The following GRIP1 variants were observed in gnomAD, a reference collection of about 807,000 sequenced individuals.
GRIP1 encodes glutamate receptor-interacting protein 1.
In GRIP1, 45 loss-of-function variants were observed where a neutral mutation model predicts 129.9. The ratio of observed to expected loss-of-function variants is 0.35; its 90% CI spans 0.27 to 0.44. GRIP1 has a LOEUF of 0.44. Ranked by LOEUF, GRIP1 falls within the 20% of genes least tolerant of loss-of-function variation. GRIP1 has a pLI of 1.00. For synonymous variants in GRIP1, 530 were observed against 520.8 expected, an observed-to-expected ratio of 1.02 and a Z score of -0.24; for missense variants, 1,196 against 1,396.8, an observed-to-expected ratio of 0.86 and a Z score of 2.29.
intron 1 of GRIP1, among the ~76,000 whole-genome samples, chr12:66,897,558 C>G (rs1209337421): frequency 6.6e-6 from 1 of 152,188 alleles, no homozygotes. Flanking sequence ...CAAAGACCAA[C>G]CTACAAATGC....
chr12:66,537,456 C>T (rs1456843978), intron 4 of GRIP1, among the ~76,000 whole-genome samples: 2 of 151,666 alleles, frequency 1.3e-5, no homozygotes, highest in African/African-American at 4.8e-5. Flanking sequence ...GTTATAATTA[C>T]TATTATTACT....
At chr12:66,740,743 C>A (rs1205775508) in intron 1 of GRIP1, among the ~76,000 whole-genome samples, 1 of 151,866 alleles carries the variant, frequency 6.6e-6, no homozygotes, top group East Asian at 1.9e-4. Context: ...GCAATCCTCA[C>A]AACAACTCAT....
At chr12:66,839,944 T>A (rs560833921) in intron 1 of GRIP1, among the ~76,000 whole-genome samples, 1 of 152,346 alleles carries the variant, frequency 6.6e-6, no homozygotes, top group Non-Finnish European at 1.5e-5. Context: ...TAATAGATAC[T>A]ATAGGTAGCC....
At chr12:66,869,653 T>C (rs1303489066) in intron 1 of GRIP1, among the ~76,000 whole-genome samples, 1 of 152,072 alleles carries the variant, frequency 6.6e-6, no homozygotes, top group East Asian at 1.9e-4. Flanking sequence ...GACAGATACG[T>C]ATCATTGAAG....
chr12:66,741,079 T>C (rs1329203202), intron 1 of GRIP1, among the ~76,000 whole-genome samples: 1 of 152,192 alleles, frequency 6.6e-6, no homozygotes, highest in Non-Finnish European at 1.5e-5. Context: ...CAGCTCCCCT[T>C]TCTCTAACAA....
At chr12:66,510,276 GCCT>G (rs1231459884) in intron 7 of GRIP1, among the ~76,000 whole-genome samples, 1 of 152,002 alleles carries the variant, frequency 6.6e-6, no homozygotes, top group Non-Finnish European at 1.5e-5. Flanking sequence ...CAGTGCATTG[GCCT>G]CCTCAATTTA....
chr12:66,746,792 T>C (rs538610265), intron 1 of GRIP1, among the ~76,000 whole-genome samples: 8 of 152,222 alleles, frequency 5.3e-5, no homozygotes, highest in East Asian at 1.9e-4. Context: ...CCAGCAAGCA[T>C]TGACATTTTA....
At chr12:66,903,119 C>G (rs1280276140) in intron 1 of GRIP1, among the ~76,000 whole-genome samples, 1 of 139,308 alleles carries the variant, frequency 7.2e-6, no homozygotes, top group Non-Finnish European at 1.6e-5. Context: ...CTTGTTAATT[C>G]ACTTTAATGA....
At chr12:66,966,415 C>T (rs1214426452) in intron 1 of GRIP1, among the ~76,000 whole-genome samples, 1 of 152,108 alleles carries the variant, frequency 6.6e-6, no homozygotes, top group Non-Finnish European at 1.5e-5. Flanking sequence ...CAGAGAGTTT[C>T]CCCTATTACT....
At chr12:66,678,230 T>C (rs908485635) in intron 1 of GRIP1, among the ~76,000 whole-genome samples, 1 of 152,182 alleles carries the variant, frequency 6.6e-6, no homozygotes, top group Non-Finnish European at 1.5e-5. Flanking sequence ...AGTGACAATC[T>C]GAAGCTGGTA....
At chr12:66,974,769 G>A (rs1156776812) in intron 1 of GRIP1, among the ~76,000 whole-genome samples, 1 of 152,158 alleles carries the variant, frequency 6.6e-6, no homozygotes, top group Admixed American at 6.6e-5. Context: ...CCAGGTCATA[G>A]ACAGAGGCAC....
chr12:66,479,041 T>C (rs2059716559), intron 7 of GRIP1, among the ~76,000 whole-genome samples: 1 of 148,280 alleles, frequency 6.7e-6, no homozygotes, highest in Non-Finnish European at 1.5e-5. Context: ...AAAATATATA[T>C]TAAAAAAAGA....
chr12:66,936,997 G>A (rs1239349574), intron 1 of GRIP1, among the ~76,000 whole-genome samples: 1 of 152,054 alleles, frequency 6.6e-6, no homozygotes, highest in African/African-American at 2.4e-5. Context: ...TTTTATTACT[G>A]CTTCCATTAA....
At chr12:66,524,776 C>T (rs1435527716) in intron 5 of GRIP1, among the ~76,000 whole-genome samples, 1 of 152,004 alleles carries the variant, frequency 6.6e-6, no homozygotes, top group Admixed American at 6.6e-5. Flanking sequence ...AATTGATAGA[C>T]CACTAGCAAG....
chr12:66,544,507 C>A (rs2061885882), intron 2 of GRIP1, among the ~76,000 whole-genome samples: 1 of 152,128 alleles, frequency 6.6e-6, no homozygotes, highest in African/African-American at 2.4e-5. Flanking sequence ...GCCTGAGATT[C>A]CAAATGCACC....
At chr12:66,926,408 C>T (rs999564387) in intron 1 of GRIP1, among the ~76,000 whole-genome samples, 9 of 152,162 alleles carry the variant, frequency 5.9e-5, no homozygotes, top group African/African-American at 2.2e-4. Flanking sequence ...TAAAATAAGC[C>T]TGCTGTTCTC....
At chr12:66,793,111 C>T (rs930298946) in intron 1 of GRIP1, among the ~76,000 whole-genome samples, 3 of 152,164 alleles carry the variant, frequency 2.0e-5, no homozygotes, top group African/African-American at 7.2e-5. Flanking sequence ...TGGAATTCCT[C>T]AGAGAACTCT....
intron 1 of GRIP1, among the ~76,000 whole-genome samples, chr12:66,691,278 G>C (rs910604010): frequency 1.3e-5 from 2 of 152,146 alleles, no homozygotes; most frequent in African/African-American, 2.4e-5. Context: ...CCTGGTGGAA[G>C]GCAAAAGCAC....
intron 1 of GRIP1, among the ~76,000 whole-genome samples, chr12:66,900,363 T>C (rs1429964240): frequency 6.6e-6 from 1 of 152,120 alleles, no homozygotes; most frequent in Admixed American, 6.5e-5. Context: ...GCTCACTCTC[T>C]CCTTCTACTA....
Sources: gnomAD v4.1 joint callset for allele counts (sites outside exome capture counted in the v4.1 genomes callset) on GRCh38, gnomAD v4.1.1 for gene constraint, MANE v1.5 for transcripts, NCBI Gene and HGNC (gene_info 2026-07-23, HGNC 2026-07-21) for gene names.